The following FBXW8 variants were observed in gnomAD, a reference collection of about 807,000 sequenced individuals.
FBXW8 encodes F-box and WD repeat domain containing 8.
Under a neutral mutation model 65.3 loss-of-function variants are expected in FBXW8, and 57 were observed. The ratio of observed to expected loss-of-function variants is 0.87; its 90% CI spans 0.71 to 1.09. The LOEUF is 1.09. Ranked by LOEUF, FBXW8 falls within the 50% of genes least tolerant of loss-of-function variation. The probability of loss-of-function intolerance (pLI) is 0.00; values close to 1 mark genes in which losing one functional copy is unlikely to be tolerated. For synonymous variants in FBXW8, 308 were observed against 330.2 expected (o/e 0.93, Z 0.73); for missense variants, 777 against 814.8 (o/e 0.95, Z 0.57).
intron 1 of FBXW8, among the ~76,000 whole-genome samples, chr12:116,913,161 G>A (rs1037616440): frequency 2.0e-5 from 3 of 151,112 alleles, no homozygotes; most frequent in African/African-American, 7.4e-5. Flanking sequence ...CCTGAAATCT[G>A]ATGACTGGTA....
At chr12:116,941,293 T>C (rs146087380) in intron 2 of FBXW8, among the ~76,000 whole-genome samples, 2 of 152,340 alleles carry the variant, frequency 1.3e-5, no homozygotes, top group East Asian at 3.9e-4. Context: ...ATTCTTCAGG[T>C]TCTAAACCAC....
At chr12:116,939,910 T>C (rs975982746) in intron 2 of FBXW8, among the ~76,000 whole-genome samples, 32 of 152,202 alleles carry the variant, frequency 2.1e-4, no homozygotes, top group Admixed American at 7.9e-4. Context: ...CACAGACAGA[T>C]AGACAGACAG....
rs186117582 is a variant in FBXW8 at position 116,957,172 on chromosome 12, C to T, written c.677+7466C>T. On this transcript the variant is annotated intron_variant, in intron 4 of 10. Transcript: ENST00000652555. ...GACCAGCCTGGCCAACATGGCAAAA[C>T]CCCTTCTCTACCAAAAATACAAAAA... Among the ~76,000 whole-genome samples the T allele has an allele frequency of 5.1e-3, 773 of 152,148 alleles. 5 individuals carry two copies. Among genetic ancestry groups the T allele is most frequent in the Non-Finnish European group, 8.2e-3 (559 of 68,016 alleles).
chr12:117,009,496 G>T (rs1191978099), intron 7 of FBXW8, among the ~76,000 whole-genome samples: 1 of 152,196 alleles, frequency 6.6e-6, no homozygotes, highest in African/African-American at 2.4e-5. Context: ...GTGTGTTTGT[G>T]TGTGTGTTAA....
chr12:117,017,601 C>T (rs1953982525), intron 8 of FBXW8, among the ~76,000 whole-genome samples: 1 of 151,854 alleles, frequency 6.6e-6, no homozygotes, highest in East Asian at 1.9e-4. Flanking sequence ...ATTTAATAGC[C>T]CAGGTTCAGT....
intron 7 of FBXW8, among the ~76,000 whole-genome samples, chr12:116,993,682 C>T (rs572641523): frequency 2.2e-4 from 33 of 152,024 alleles, no homozygotes; most frequent in African/African-American, 7.5e-4. Context: ...ATATTTTCTC[C>T]CATTCTGTGG....
At chr12:117,023,412 C>T (rs1193500212) in intron 8 of FBXW8, among the ~76,000 whole-genome samples, 2 of 152,074 alleles carry the variant, frequency 1.3e-5, no homozygotes, top group Non-Finnish European at 2.9e-5. Flanking sequence ...TACTTTTAGC[C>T]TTTGGCTTAT....
intron 1 of FBXW8, among the ~76,000 whole-genome samples, chr12:116,917,445 A>G (rs752183037): frequency 1.3e-5 from 2 of 152,170 alleles, no homozygotes; most frequent in Non-Finnish European, 2.9e-5. Context: ...ATCTGGTACT[A>G]CCTTCTTACA....
At position 116,953,736 on chromosome 12, in the gene FBXW8, G is replaced by T. The variant is rs1883437321; in HGVS notation, c.677+4030G>T. Among the ~76,000 whole-genome samples the T allele has an allele frequency of 2.0e-5, 3 of 151,240 alleles. No homozygotes were observed. In the South Asian group the frequency reaches 6.3e-4, roughly 32 times the overall value. ...TGCAGTGAGCCAAGATCGCGCCACT[G>T]CACTCCAGCCTGGGCGACAGAGCAA... On this transcript the variant is annotated intron_variant, in intron 4 of 10. Transcript: ENST00000652555.
chr12:116,940,457 T>C (rs573374773), intron 2 of FBXW8, among the ~76,000 whole-genome samples: 153 of 149,608 alleles, frequency 1.0e-3, no homozygotes, highest in African/African-American at 3.2e-3. Flanking sequence ...GTTAAGAATT[T>C]AGGTATAAAA....
At chr12:117,017,950 C>T (rs1953996713) in intron 8 of FBXW8, among the ~76,000 whole-genome samples, 3 of 152,184 alleles carry the variant, frequency 2.0e-5, no homozygotes, top group Admixed American at 2.0e-4. Flanking sequence ...TGTGCTCGTG[C>T]TACTGCTGCC....
At chr12:116,948,000 C>G (rs182919240) in intron 3 of FBXW8, among the ~76,000 whole-genome samples, 193 of 152,212 alleles carry the variant, frequency 1.3e-3, no homozygotes, top group Middle Eastern at 6.8e-3. Flanking sequence ...TGTGCGTGCT[C>G]GACTTCAGGA....
chr12:116,975,721 A>G (rs538155725), intron 5 of FBXW8, among the ~76,000 whole-genome samples: 35 of 152,346 alleles, frequency 2.3e-4, no homozygotes, highest in African/African-American at 8.2e-4. Context: ...GGGAAGGCAC[A>G]ACACCTTCTG....
At chr12:117,020,244 TGTCA>T (rs1954062857) in intron 8 of FBXW8, among the ~76,000 whole-genome samples, 1 of 152,272 alleles carries the variant, frequency 6.6e-6, no homozygotes, top group Non-Finnish European at 1.5e-5. Context: ...TGATTTTTCC[TGTCA>T]GTCTAATTAT....
Position 116,937,217 on chromosome 12 carries a change from G to T in FBXW8, c.424-8147G>T, listed in dbSNP as rs537967444. 5.3e-5 allele frequency among the ~76,000 whole-genome samples: 8 copies of T among 152,254 alleles called. No homozygotes were observed. The East Asian group carries it at 1.5e-3, about 29-fold the overall frequency. On this transcript the variant is annotated intron_variant, in intron 2 of 10. Coordinates refer to ENST00000652555, the MANE Select transcript of FBXW8 (RefSeq NM_153348.3). The stretch of plus-strand genomic sequence containing the variant: ...ATGGAAGGAGCATGTGTGGGTATGG[G>T]GGAAGATCACTCATTGGTTGTGAGG...
chr12:116,956,206 C>T (rs539937878), intron 4 of FBXW8, among the ~76,000 whole-genome samples: 136 of 152,192 alleles, frequency 8.9e-4, no homozygotes, highest in Non-Finnish European at 1.6e-3. Context: ...TTTAGCATAC[C>T]GTTCCTGCCT....
In FBXW8 at chr12:116,911,411, A is replaced by G. The variant is rs1351935775; in HGVS notation, c.318+56A>G. The stretch of plus-strand genomic sequence containing the variant: ...GCCTGCGCCGGCCCCCGCCCCCAGG[A>G]CAAACCCCTGCAGTGATTTGGAGAG... On this transcript the variant is annotated intron_variant, in intron 1 of 10. Transcript: ENST00000652555. The G allele has an allele frequency of 1.1e-5, 12 of 1,108,566 alleles. 1 individual carries two copies. The Middle Eastern group carries it at 1.1e-3, about 97-fold the overall frequency. The allele number at this position is 1,108,566 out of a possible 1,614,324, so 68.7% of individuals were successfully genotyped here.
At chr12:117,017,056 A>G (rs534378751) in intron 8 of FBXW8, among the ~76,000 whole-genome samples, 3 of 152,364 alleles carry the variant, frequency 2.0e-5, no homozygotes, top group African/African-American at 7.2e-5. Flanking sequence ...CCTTTCTAAA[A>G]TAAGTAATGT....
chr12:116,917,746 A>C (rs1250650241), intron 1 of FBXW8, among the ~76,000 whole-genome samples: 1 of 152,124 alleles, frequency 6.6e-6, no homozygotes, highest in Non-Finnish European at 1.5e-5. Context: ...TAATCCCAGC[A>C]CTTTGGGAGG....
Sources: gnomAD v4.1 joint callset for allele counts (sites outside exome capture counted in the v4.1 genomes callset) on GRCh38, gnomAD v4.1.1 for gene constraint, MANE v1.5 for transcripts, NCBI Gene and HGNC (gene_info 2026-07-23, HGNC 2026-07-21) for gene names.